Variants in EHD2 observed in about 807,000 individuals in gnomAD.
The protein encoded by EHD2 is EH domain-containing protein 2.
In EHD2, 27 loss-of-function variants were observed where a neutral mutation model predicts 41.0. That is an observed-to-expected ratio of 0.66 (90% CI 0.49 to 0.91). The LOEUF (loss-of-function observed/expected upper bound fraction) is 0.91. Ranked by LOEUF, EHD2 falls within the 40% of genes least tolerant of loss-of-function variation. The probability of loss-of-function intolerance (pLI) is 0.00; values close to 1 mark genes in which losing one functional copy is unlikely to be tolerated. For synonymous variants in EHD2, 342 were observed against 341.0 expected, an observed-to-expected ratio of 1.00 and a Z score of -0.03; for missense variants, 673 against 773.9, an observed-to-expected ratio of 0.87 and a Z score of 1.55.
At chr19:47,727,481 G>A (rs1186898592) in intron 4 of EHD2, among the ~76,000 whole-genome samples, 1 of 152,038 alleles carries the variant, frequency 6.6e-6, no homozygotes, top group African/African-American at 2.4e-5. Context: ...CCCTCCTGGG[G>A]CTCATCTTTT....
Position 47,726,176 on chromosome 19 carries a change from A to G in EHD2, c.867A>G (p.Ala289=). The G allele has an allele frequency of 6.4e-7, 1 of 1,566,380 alleles. No individual in the cohort carries two copies. The highest frequency in any genetic ancestry group is 8.6e-7 in the Non-Finnish European group (1 of 1,156,914). ...FRDIQGLPRH[A]ALRKLNDLVK... ...ACATCCAGGGCCTGCCCCGGCACGCAGCCTTGCGCAAGCTCAACGACCTGG... is the reference window on the plus strand; with the variant it reads ...ACATCCAGGGCCTGCCCCGGCACGCGGCCTTGCGCAAGCTCAACGACCTGG... The change falls in exon 4 of 6, where the codon GCA becomes GCG. Residue 289 remains alanine, a synonymous_variant. Coordinates refer to ENST00000263277, the MANE Select transcript of EHD2 (RefSeq NM_014601.4).
At chr19:47,735,103 A>T (rs1186277751) in intron 4 of EHD2, among the ~76,000 whole-genome samples, 1 of 152,228 alleles carries the variant, frequency 6.6e-6, no homozygotes, top group Admixed American at 6.6e-5. Flanking sequence ...TCTGGCCTCA[A>T]CTGGGAAGGC....
chr19:47,721,877 C>G (rs556327881), intron 3 of EHD2, among the ~76,000 whole-genome samples: 2 of 151,722 alleles, frequency 1.3e-5, no homozygotes, highest in Admixed American at 6.6e-5. Context: ...CCCACCTACT[C>G]GGGAGGCTGA....
intron 5 of EHD2, among the ~76,000 whole-genome samples, chr19:47,737,708 A>AT (rs1279749501): frequency 6.6e-6 from 1 of 151,630 alleles, no homozygotes; most frequent in Non-Finnish European, 1.5e-5. Flanking sequence ...TTATTTATAT[A>AT]TTTTTTAGAG....
Position 47,716,919 on chromosome 19 carries a change from G to A in EHD2, c.307G>A (p.Gly103Arg), listed in dbSNP as rs769196622. ...CGACTGCTTTGTGGCCGTCATGCAC[G>A]GGGACACTGAGGGCACCGTGCCCGG... ...TTDCFVAVMH[G>R]DTEGTVPGNA... Residue 103 changes from glycine (G) to arginine (R), a missense_variant, in exon 2 of 6, where the codon GGG becomes AGG. Coordinates refer to ENST00000263277, the MANE Select transcript of EHD2 (RefSeq NM_014601.4). 21 of 1,611,188 alleles carry A rather than the reference G, an allele frequency of 1.3e-5. No individual in the cohort carries two copies. Among genetic ancestry groups the A allele is most frequent in the Non-Finnish European group, 1.2e-5 (14 of 1,179,946 alleles).
intron 2 of EHD2, among the ~76,000 whole-genome samples, chr19:47,718,139 G>C (rs575450312): frequency 6.6e-6 from 1 of 151,414 alleles, no homozygotes; most frequent in South Asian, 2.1e-4. Flanking sequence ...TGGGTGAGGT[G>C]GTGCCCACCT....
chr19:47,731,279 A>AAAAAAAAAAATATATATAT, intron 4 of EHD2: 1 of 60,924 alleles, frequency 1.6e-5, no homozygotes, highest in African/African-American at 4.9e-5. Flanking sequence ...AAAAAAAAAA[A>AAAAAAAAAAATATATATAT]ATATATATAT....
At position 47,741,278 on chromosome 19, in the gene EHD2, G is replaced by A. The variant is rs755944002; in HGVS notation, c.1478G>A (p.Ser493Asn). 2 of 1,613,974 alleles carry A rather than the reference G, an allele frequency of 1.2e-6. No homozygotes were observed. Among genetic ancestry groups the A allele is most frequent in the African/African-American group, 2.7e-5 (2 of 74,936 alleles). ...NSVLGRIWKL[S>N]DVDRDGMLDD... is the part of the protein sequence containing the mutation. ...GTGCTGGGGCGCATCTGGAAGCTCA[G>A]CGATGTGGACCGCGACGGCATGCTG... Residue 493 changes from serine (S) to asparagine (N), a missense_variant, in exon 6 of 6, where the codon AGC becomes AAC. Ser to Asn is a conservative substitution (Grantham distance 46, BLOSUM62 1). Coordinates refer to ENST00000263277, the MANE Select transcript of EHD2 (RefSeq NM_014601.4). The surrounding 1 kb of genome is among the most constrained non-coding windows in gnomAD (Gnocchi z 4.5).
chr19:47,726,175 CA>C lies in EHD2; in HGVS notation c.867del (p.Ala290ProfsTer9). The C allele has an allele frequency of 6.4e-7, 1 of 1,565,944 alleles. No homozygotes were observed. Among genetic ancestry groups the C allele is most frequent in the Non-Finnish European group, 8.6e-7 (1 of 1,156,722 alleles). On this transcript the variant is annotated frameshift_variant, in exon 4 of 6. Transcript: ENST00000263277. LOFTEE classifies it high-confidence loss of function. ...GACATCCAGGGCCTGCCCCGGCACG[CA>C]GCCTTGCGCAAGCTCAACGACCTGG... is the stretch of plus-strand genomic sequence containing the variant. ...FRDIQGLPRH[A>X]ALRKLNDLVK...
Position 47,733,240 on chromosome 19 carries a change from C to CTT in EHD2, c.916-3117_916-3116dup, listed in dbSNP as rs758372235. On this transcript the variant is annotated intron_variant, in intron 4 of 5. Coordinates refer to ENST00000263277, the MANE Select transcript of EHD2 (RefSeq NM_014601.4). ...CAAGTTTCCAGCCCTTCTGGGGCTC[C>CTT]TTTTTTTTTTTTTGAGACAGTGTCT... 1.2e-4 allele frequency: 18 copies of CTT among 144,176 alleles called. No individual in the cohort carries two copies. The Middle Eastern group carries it at 0.011, about 88-fold the overall frequency. The allele number at this position is 144,176 out of a possible 1,614,324, so 8.9% of individuals were successfully genotyped here.
At chr19:47,728,795 C>T (rs145306827) in intron 4 of EHD2, among the ~76,000 whole-genome samples, 1,710 of 152,242 alleles carry the variant, frequency 0.011, 32 homozygotes, top group African/African-American at 0.039. Flanking sequence ...GTCTCGAACT[C>T]CCGACCTCAG....
In EHD2 at chr19:47,718,001, A is replaced by C. The variant is rs188960832; in HGVS notation, c.405-508A>C. On this transcript the variant is annotated intron_variant, in intron 2 of 5. Transcript: ENST00000263277. ...GGAATAGCACCTGGTGGCCGGGCGC[A>C]GTGTCTCACGCCTGTAATCCCAGCA... Among the ~76,000 whole-genome samples the C allele has an allele frequency of 7.1e-3, 1,015 of 143,650 alleles. 4 individuals are homozygous for C. The highest frequency in any genetic ancestry group is 0.01 in the Non-Finnish European group (659 of 65,548). The allele number at this position is 143,650 out of a possible 152,430, so 94.2% of individuals were successfully genotyped here. A position where few individuals can be genotyped will look rare whatever the true frequency, so the allele number is the denominator to read the frequency against.
At chr19:47,731,293 T>TATATACAC (rs1270043346) in intron 4 of EHD2, 1 of 89,942 alleles carries the variant, frequency 1.1e-5, no homozygotes, top group Non-Finnish European at 2.7e-5. Context: ...TATATATATA[T>TATATACAC]ATATATATAC....
Position 47,741,483 on chromosome 19 carries a change from G to C in EHD2, c.*51G>C. On this transcript the variant is annotated 3_prime_UTR_variant, in exon 6 of 6. Transcript: ENST00000263277. This position sits in a 1 kb window ranked among gnomAD's most constrained non-coding sequence, Gnocchi z 4.5. ...TGTGGCTCCCCAGCTCCAGTCGGCT[G>C]CACGCACACCCCTGCTCCGGCTCAC... 6.6e-7 allele frequency: 1 copy of C among 1,519,396 alleles called. No homozygotes were observed. Among genetic ancestry groups the C allele is most frequent in the Non-Finnish European group, 8.8e-7 (1 of 1,135,494 alleles). The allele number at this position is 1,519,396 out of a possible 1,614,324, so 94.1% of individuals were successfully genotyped here.
At chr19:47,715,036 T>A (rs1973610454) in intron 1 of EHD2, among the ~76,000 whole-genome samples, 1 of 102,370 alleles carries the variant, frequency 9.8e-6, no homozygotes, top group Non-Finnish European at 2.0e-5. Flanking sequence ...AGACTCCATC[T>A]CCAAATAAAT....
chr19:47,717,539 G>A (rs766779788), intron 2 of EHD2, among the ~76,000 whole-genome samples: 39 of 152,148 alleles, frequency 2.6e-4, no homozygotes, highest in Non-Finnish European at 3.1e-4. Flanking sequence ...TTCAAATCCC[G>A]GCCAGCTGGG....
Position 47,741,415 on chromosome 19 carries a change from A to C in EHD2, c.1615A>C (p.Lys539Gln). The C allele has an allele frequency of 1.3e-6, 2 of 1,574,018 alleles. No homozygotes were observed. Among genetic ancestry groups the C allele is most frequent in the Non-Finnish European group, 1.7e-6 (2 of 1,170,440 alleles). Residue 539 changes from lysine (K) to glutamine (Q), a missense_variant, in exon 6 of 6, where the codon AAG (lysine) becomes CAG (glutamine). Physicochemically the swap from Lys to Gln is moderately conservative, Grantham distance 53 (BLOSUM62 1). Coordinates refer to ENST00000263277, the MANE Select transcript of EHD2 (RefSeq NM_014601.4). The surrounding 1 kb of genome is among the most constrained non-coding windows in gnomAD (Gnocchi z 4.5). ...GGTGCCACCCTCCAAGCGACGCCACAAGGGCTCCGCCGAGTGAGCCGGCCC... is the reference window on the plus strand; with the variant it reads ...GGTGCCACCCTCCAAGCGACGCCACCAGGGCTCCGCCGAGTGAGCCGGCCC... ...RLVPPSKRRH[K>Q]GSAE
At chr19:47,723,682 ATT>A (rs11309367) in intron 3 of EHD2, among the ~76,000 whole-genome samples, 2 of 129,172 alleles carry the variant, frequency 1.5e-5, no homozygotes, top group Admixed American at 8.2e-5. Context: ...AAGCTCAACC[ATT>A]TTTTTTTTTA....
At chr19:47,723,006 T>C (rs1241174799) in intron 3 of EHD2, among the ~76,000 whole-genome samples, 2 of 152,168 alleles carry the variant, frequency 1.3e-5, no homozygotes, top group Admixed American at 6.6e-5. Context: ...CAGGGCTAGC[T>C]CCTTGTTCTG....
Sources: allele counts gnomAD v4.1 joint callset (sites outside exome capture counted in the v4.1 genomes callset), GRCh38; gene constraint gnomAD v4.1.1; non-coding constraint Gnocchi (gnomAD v3.1); transcripts MANE v1.5; gene names NCBI Gene and HGNC (gene_info 2026-07-23, HGNC 2026-07-21).